TANC1: variants seen among roughly 807,000 people sequenced by gnomAD.
TANC1 encodes the protein protein TANC1.
A neutral mutation model predicts 149.7 loss-of-function variants in TANC1; 77 were observed. The ratio of observed to expected loss-of-function variants is 0.51; its 90% confidence interval spans 0.43 to 0.62. The LOEUF (loss-of-function observed/expected upper bound fraction) is 0.62. TANC1 is among the 20% of genes least tolerant of loss of function. TANC1 has a pLI of 0.00. For missense variants in TANC1, 1,985 were observed against 2,321.8 expected, an observed-to-expected ratio of 0.85 and a Z score of 2.98; for synonymous variants, 854 against 925.0, an observed-to-expected ratio of 0.92 and a Z score of 1.39.
chr2:159,086,126 A>G (rs570934330), intron 3 of TANC1, among the ~76,000 whole-genome samples: 1 of 152,178 alleles, frequency 6.6e-6, no homozygotes, highest in Admixed American at 6.5e-5. Context: ...GTGGTCCACT[A>G]CTGTTGTCAT....
intron 2 of TANC1, among the ~76,000 whole-genome samples, chr2:159,008,683 A>G (rs754908710): frequency 9.2e-5 from 14 of 152,184 alleles, no homozygotes; most frequent in Non-Finnish European, 1.3e-4. Flanking sequence ...AATGCTTTCA[A>G]TTCTCTTTTA....
At chr2:159,185,025 T>C (rs1045727383) in intron 14 of TANC1, among the ~76,000 whole-genome samples, 2 of 152,200 alleles carry the variant, frequency 1.3e-5, no homozygotes, top group African/African-American at 2.4e-5. Flanking sequence ...TTAAAACATA[T>C]ATAATGTTTA....
chr2:159,176,065 A>G (rs1007619308), intron 12 of TANC1, among the ~76,000 whole-genome samples: 31 of 152,264 alleles, frequency 2.0e-4, no homozygotes, highest in Middle Eastern at 6.8e-3. Context: ...GCCCACCCCA[A>G]TGACAGTGGT....
chr2:159,075,509 G>A (rs1170610433), intron 3 of TANC1, among the ~76,000 whole-genome samples: 1 of 151,784 alleles, frequency 6.6e-6, no homozygotes, highest in African/African-American at 2.4e-5. Context: ...CTGGAAAGTC[G>A]AGGTTGCAGT....
intron 4 of TANC1, among the ~76,000 whole-genome samples, chr2:159,126,854 T>C (rs1050431498): frequency 1.3e-5 from 2 of 152,264 alleles, no homozygotes; most frequent in African/African-American, 2.4e-5. Context: ...CTCACCCTTG[T>C]GCCTGGTATG....
chr2:159,222,784 T>C (rs951264566), intron 22 of TANC1, among the ~76,000 whole-genome samples: 1 of 152,230 alleles, frequency 6.6e-6, no homozygotes, highest in Non-Finnish European at 1.5e-5. Context: ...CATATAGTGA[T>C]TGTATTTTTA....
chr2:159,226,032 A>G (rs1298609358), intron 24 of TANC1: 2 of 473,422 alleles, frequency 4.2e-6, no homozygotes, highest in East Asian at 8.6e-5. Context: ...AAATACAAAA[A>G]TCAGCCAGGT....
chr2:159,079,346 C>CTTTTTTTTTTTTTTTTTTTTTTTTTT (rs68143585), intron 3 of TANC1, among the ~76,000 whole-genome samples: 1 of 109,916 alleles, frequency 9.1e-6, no homozygotes, highest in Non-Finnish European at 1.7e-5. Context: ...GTGTGTGTGT[C>CTTTTTTTTTTTTTTTTTTTTTTTTTT]TTTTTTTTTT....
In TANC1 at chr2:159,150,522, T is replaced by C; in HGVS notation, c.648T>C (p.Ser216=). The change falls in exon 7 of 27, where the codon AGT becomes AGC. Residue 216 remains serine (S), a synonymous_variant. Coordinates refer to ENST00000263635, the MANE Select transcript of TANC1 (RefSeq NM_033394.3). Reference sequence around the variant, plus strand: ...CCTGTGAGACCATTAGCAGCCCTAGTTCCACCCTGGAAAGCAAGGACAGTG... The same window carrying C: ...CCTGTGAGACCATTAGCAGCCCTAGCTCCACCCTGGAAAGCAAGGACAGTG... ...KSPCETISSP[S]STLESKDSGI... is the part of the protein sequence containing the mutation. The C allele has an allele frequency of 6.2e-7, 1 of 1,614,050 alleles. No homozygotes were observed. Among genetic ancestry groups the C allele is most frequent in the Non-Finnish European group, 8.5e-7 (1 of 1,179,970 alleles).
chr2:159,187,065 G>T, intron 16 of TANC1, 41 bp downstream of exon 16: 1 of 1,608,038 alleles, frequency 6.2e-7, no homozygotes. Context: ...ACCCAGCCCT[G>T]GCCGGCTGCT....
chr2:158,978,475 T>C (rs2033940751), intron 1 of TANC1, among the ~76,000 whole-genome samples: 1 of 152,210 alleles, frequency 6.6e-6, no homozygotes, highest in African/African-American at 2.4e-5. Flanking sequence ...GGAGGTTCCA[T>C]AGGATGATAG....
At chr2:159,174,202 C>T (rs1368812568) in intron 11 of TANC1, among the ~76,000 whole-genome samples, 1 of 152,188 alleles carries the variant, frequency 6.6e-6, no homozygotes, top group Non-Finnish European at 1.5e-5. Context: ...CTCCCATTCC[C>T]AACACTTCAG....
At chr2:158,977,608 G>A (rs2033842833) in intron 1 of TANC1, among the ~76,000 whole-genome samples, 1 of 149,824 alleles carries the variant, frequency 6.7e-6, no homozygotes, top group East Asian at 1.9e-4. Context: ...ACCGTGCCTG[G>A]CTAATTTTTT....
chr2:159,175,504 C>A (rs1027727407), intron 12 of TANC1, among the ~76,000 whole-genome samples: 1 of 152,214 alleles, frequency 6.6e-6, no homozygotes, highest in African/African-American at 2.4e-5. Flanking sequence ...GCGTATTTTG[C>A]ACTCCTAAGT....
chr2:159,080,562 C>G (rs1047674916), intron 3 of TANC1, among the ~76,000 whole-genome samples: 23 of 152,122 alleles, frequency 1.5e-4, no homozygotes, highest in Admixed American at 1.2e-3. Flanking sequence ...TGGTATATTT[C>G]CTATGTAAAA....
chr2:159,039,702 T>C lies in TANC1; in HGVS notation c.-15-26194T>C, dbSNP rs145454829. Among the ~76,000 whole-genome samples the C allele has an allele frequency of 6.8e-3, 1,034 of 152,336 alleles. 6 individuals are homozygous for C. The highest frequency in any genetic ancestry group is 0.023 in the African/African-American group (963 of 41,576). ...GTCCTGAGTTCTAATTTGATTGCACTATGGTCTGAGAGACGGTTTGTTGTG... is the reference window on the plus strand; with the variant it reads ...GTCCTGAGTTCTAATTTGATTGCACCATGGTCTGAGAGACGGTTTGTTGTG... On this transcript the variant is annotated intron_variant, in intron 2 of 26. Coordinates refer to ENST00000263635, the MANE Select transcript of TANC1 (RefSeq NM_033394.3).
At chr2:159,046,813 A>G (rs2041096523) in intron 2 of TANC1, among the ~76,000 whole-genome samples, 1 of 151,826 alleles carries the variant, frequency 6.6e-6, no homozygotes, top group African/African-American at 2.4e-5. Flanking sequence ...CATGTTACCC[A>G]GGCTGGTCTC....
chr2:158,974,218 G>T (rs1175151355), intron 1 of TANC1, among the ~76,000 whole-genome samples: 2 of 152,120 alleles, frequency 1.3e-5, no homozygotes, highest in African/African-American at 4.8e-5. Context: ...TGGGGGCCAG[G>T]TTCCCTGTGC....
chr2:159,019,399 C>T lies in TANC1; in HGVS notation c.-16+18210C>T, dbSNP rs1331178754. 2.6e-5 allele frequency among the ~76,000 whole-genome samples: 4 copies of T among 152,158 alleles called. No individual in the cohort carries two copies. In the East Asian group the frequency reaches 7.7e-4, roughly 29 times the overall value. On this transcript the variant is annotated intron_variant, in intron 2 of 26. Transcript: ENST00000263635. ...CAAATTTTCAAGAGAAACTAGAAAT[C>T]CTTATTTATGTGTAACCTCCTGCTT... is the stretch of plus-strand genomic sequence containing the variant.
Sources: allele counts gnomAD v4.1 joint callset (sites outside exome capture counted in the v4.1 genomes callset), GRCh38; gene constraint gnomAD v4.1.1; transcripts MANE v1.5; gene names NCBI Gene and HGNC (gene_info 2026-07-23, HGNC 2026-07-21).